TMCO5A: variants seen among roughly 807,000 people sequenced by gnomAD.
TMCO5A encodes transmembrane and coiled-coil domain-containing protein 5A.
TMCO5A carries 34 observed loss-of-function variants against 42.3 expected under a neutral mutation model. The ratio of observed to expected loss-of-function variants is 0.80; its 90% confidence interval spans 0.61 to 1.07. TMCO5A has a LOEUF of 1.07. Among genes scored for constraint, TMCO5A ranks in the 50% least tolerant of loss-of-function variants. TMCO5A has a pLI of 0.00. For missense variants in TMCO5A, 357 were observed against 327.9 expected (o/e 1.09, Z -0.69); for synonymous variants, 131 against 115.6 (o/e 1.13, Z -0.86).
At chr15:37,971,295 G>A (rs1039547403), downstream of TMCO5A, among the ~76,000 whole-genome samples, 1 of 152,198 alleles carries the variant, frequency 6.6e-6, no homozygotes, top group African/African-American at 2.4e-5. Flanking sequence ...AACAGACTGA[G>A]CTGCACCTTG....
chr15:37,977,855 T>C, the TMCO5A span, among the ~76,000 whole-genome samples: 1 of 151,762 alleles, frequency 6.6e-6, no homozygotes, highest in Non-Finnish European at 1.5e-5. Flanking sequence ...TGGCCTGGAG[T>C]GGGGCAGCTG....
At chr15:37,976,976 T>A in the TMCO5A span, among the ~76,000 whole-genome samples, 1 of 151,984 alleles carries the variant, frequency 6.6e-6, no homozygotes, top group South Asian at 2.1e-4. Flanking sequence ...TTCACCATGT[T>A]GACCAGGCTG....
chr15:38,008,440 CTT>C, the TMCO5A span, among the ~76,000 whole-genome samples: 27 of 152,224 alleles, frequency 1.8e-4, no homozygotes, highest in African/African-American at 5.8e-4. Flanking sequence ...CCTCAAAACA[CTT>C]TTTTCTATGA....
the TMCO5A span, among the ~76,000 whole-genome samples, chr15:38,006,810 C>T: frequency 5.3e-5 from 8 of 151,564 alleles, no homozygotes; most frequent in East Asian, 9.6e-4. Context: ...AAAAATCACC[C>T]AGTAAATATT....
rs899612302 is a variant in TMCO5A, at chr15:37,951,362, C to T, written c.*128C>T. The T allele has an allele frequency of 2.5e-6, 2 of 787,496 alleles. No individual in the cohort carries two copies. Among genetic ancestry groups the T allele is most frequent in the Middle Eastern group, 3.7e-4 (1 of 2,736 alleles). The allele number at this position is 787,496 out of a possible 1,614,324, so 48.8% of individuals were successfully genotyped here. ...CCTCACCGTTTGCCTGCTTGACTAC[C>T]TTCTGTCACCACGTCATCTTTCCAG... On this transcript the variant is annotated 3_prime_UTR_variant, in exon 12 of 12. Transcript: ENST00000319669.
At chr15:37,995,431 C>T in the TMCO5A span, among the ~76,000 whole-genome samples, 1 of 152,244 alleles carries the variant, frequency 6.6e-6, no homozygotes, top group Non-Finnish European at 1.5e-5. Context: ...TATTTTGCAT[C>T]CTGCAATCAG....
At chr15:37,994,665 G>C in the TMCO5A span, 1 of 152,296 alleles carries the variant, frequency 6.6e-6, no homozygotes, top group South Asian at 2.1e-4. Flanking sequence ...GCTGCCTACA[G>C]AGGAAAGCTT....
chr15:37,938,173 C>T lies in TMCO5A; in HGVS notation c.331C>T (p.Gln111Ter). 6.3e-7 allele frequency: 1 copy of T among 1,579,106 alleles called. No homozygotes were observed. The highest frequency in any genetic ancestry group is 8.6e-7 in the Non-Finnish European group (1 of 1,161,148). ...GAAACTATAGCTTACAAGGAAATCA[C>T]AAAAGATAACCAATTGTGAACAAAG... is the stretch of plus-strand genomic sequence containing the variant. ...ELQQKLTRKS[Q>*]KITNCEQSSP... Residue 111 changes from glutamine (Q) to a stop codon, truncating the protein, a stop_gained, in exon 6 of 12, where the codon CAA becomes TAA. Coordinates refer to ENST00000319669, the MANE Select transcript of TMCO5A (RefSeq NM_152453.4). LOFTEE classifies it high-confidence loss of function.
the TMCO5A span, among the ~76,000 whole-genome samples, chr15:38,027,593 G>A: frequency 6.6e-6 from 1 of 152,126 alleles, no homozygotes; most frequent in African/African-American, 2.4e-5. Flanking sequence ...ACTGTTGGAA[G>A]GGCATGATTG....
downstream of TMCO5A, among the ~76,000 whole-genome samples, chr15:37,968,614 G>A (rs534421170): frequency 2.2e-3 from 296 of 132,782 alleles, 3 homozygotes; most frequent in Middle Eastern, 8.3e-3. Context: ...ATGGAATCTC[G>A]CCCTGTTGCC....
the TMCO5A span, among the ~76,000 whole-genome samples, chr15:37,983,731 G>A: frequency 7.9e-6 from 1 of 125,940 alleles, no homozygotes; most frequent in Non-Finnish European, 1.7e-5. Flanking sequence ...TTTTTTTTTT[G>A]TTTTTTTTTT....
chr15:38,038,032 A>T, the TMCO5A span, among the ~76,000 whole-genome samples: 1 of 152,146 alleles, frequency 6.6e-6, no homozygotes, highest in African/African-American at 2.4e-5. Flanking sequence ...AAATAAAAAA[A>T]AAATACTAAC....
chr15:37,976,793 C>CTTTTTTTTTTTTTTTTTT, the TMCO5A span, among the ~76,000 whole-genome samples: 6 of 116,846 alleles, frequency 5.1e-5, no homozygotes, highest in Non-Finnish European at 1.0e-4. Flanking sequence ...TTTCTTCTTT[C>CTTTTTTTTTTTTTTTTTT]TTTTTTTTTT....
intron 11 of TMCO5A, among the ~76,000 whole-genome samples, chr15:37,963,629 A>T (rs1471872043): frequency 6.6e-6 from 1 of 152,062 alleles, no homozygotes; most frequent in Non-Finnish European, 1.5e-5. Context: ...GTGATGACCG[A>T]TCTACTGCTG....
At chr15:38,006,238 A>G in the TMCO5A span, among the ~76,000 whole-genome samples, 3 of 152,200 alleles carry the variant, frequency 2.0e-5, no homozygotes. Flanking sequence ...CATGAGAGGC[A>G]AGGTGGGACA....
intron 11 of TMCO5A, among the ~76,000 whole-genome samples, chr15:37,950,269 ATATAAG>A (rs58998336): frequency 0.66 from 100,034 of 151,280 alleles, 35,739 homozygotes; most frequent in Middle Eastern, 0.83. Flanking sequence ...TTAATAGAAA[ATATAAG>A]TATATTTCAG....
chr15:38,026,347 C>T, the TMCO5A span, among the ~76,000 whole-genome samples: 33 of 152,044 alleles, frequency 2.2e-4, no homozygotes, highest in Admixed American at 6.6e-4. Context: ...ATTCTTGTCA[C>T]GATTTAGCAA....
intron 6 of TMCO5A, among the ~76,000 whole-genome samples, chr15:37,939,344 G>T (rs1889646709): frequency 6.6e-6 from 1 of 152,086 alleles, no homozygotes; most frequent in African/African-American, 2.4e-5. Context: ...AAATAAGCTT[G>T]CTTGGCTGTG....
In TMCO5A at chr15:37,947,702, T is replaced by G; in HGVS notation, c.668+6T>G. ...GCAAGATTATTCAGTAAAAAGTAAG[T>G]AAAATATCTTCAGGTAAACTTCCTA... On this transcript the variant is annotated splice_donor_region_variant and intron_variant, in intron 11 of 11. Coordinates refer to ENST00000319669, the MANE Select transcript of TMCO5A (RefSeq NM_152453.4). 1 of 1,583,662 alleles carries G rather than the reference T, an allele frequency of 6.3e-7. No homozygotes were observed. Among genetic ancestry groups the G allele is most frequent in the Non-Finnish European group, 8.6e-7 (1 of 1,156,734 alleles).
Sources: allele counts gnomAD v4.1 joint callset (sites outside exome capture counted in the v4.1 genomes callset), GRCh38; gene constraint gnomAD v4.1.1; transcripts MANE v1.5; gene names NCBI Gene and HGNC (gene_info 2026-07-23, HGNC 2026-07-21).